CERKL: variants seen among roughly 807,000 people sequenced by gnomAD.
CERKL encodes the protein CERK like autophagy regulator.
In CERKL, 61 loss-of-function variants were observed where a neutral mutation model predicts 63.4. The observed-to-expected ratio is 0.96, with a 90% CI of 0.78 to 1.19. CERKL has a LOEUF of 1.19. Among genes scored for constraint, CERKL ranks in the 50% most tolerant of loss-of-function variants. The pLI, the probability that CERKL is intolerant of heterozygous loss-of-function variation, is 0.00. For synonymous variants in CERKL, 250 were observed against 230.5 expected (o/e 1.08, Z -0.77); for missense variants, 675 against 655.5 (o/e 1.03, Z -0.33).
intron 4 of CERKL, among the ~76,000 whole-genome samples, chr2:181,559,932 T>G (rs1688366847): frequency 6.6e-6 from 1 of 152,146 alleles, no homozygotes; most frequent in Non-Finnish European, 1.5e-5. Flanking sequence ...ATGACCCAGG[T>G]CATGTTTGAT....
At chr2:181,598,253 G>T (rs1381995374) in intron 2 of CERKL, among the ~76,000 whole-genome samples, 1 of 152,152 alleles carries the variant, frequency 6.6e-6, no homozygotes, top group Admixed American at 6.5e-5. Flanking sequence ...GGAGTTGTCT[G>T]CCCTAGACTG....
At chr2:181,638,647 T>G (rs1262033225) in intron 1 of CERKL, among the ~76,000 whole-genome samples, 1 of 152,168 alleles carries the variant, frequency 6.6e-6, no homozygotes, top group African/African-American at 2.4e-5. Context: ...GTGTAGTCAT[T>G]ATAATGGCCA....
rs1322585049 is a variant in CERKL at position 181,566,134 on chromosome 2, C to T, written c.614-13G>A. On this transcript the variant is annotated splice_polypyrimidine_tract_variant and intron_variant, in intron 3 of 12. Transcript: ENST00000410087. ...TCATATTCCATTACTATTAAAAAAA[C>T]ACACACACATACACAAAGTGACAGT... is the stretch of plus-strand genomic sequence containing the variant. 6.3e-7 allele frequency: 1 copy of T among 1,594,908 alleles called. No individual in the cohort carries two copies. Among genetic ancestry groups the T allele is most frequent in the East Asian group, 2.2e-5 (1 of 44,492 alleles).
intron 1 of CERKL, among the ~76,000 whole-genome samples, chr2:181,646,096 G>A (rs3910661): frequency 0.44 from 66,711 of 151,988 alleles, 16,266 homozygotes; most frequent in South Asian, 0.78. Flanking sequence ...GAGAGACTTT[G>A]AAGGCCTGAG....
chr2:181,547,028 T>C (rs977021628), intron 10 of CERKL, among the ~76,000 whole-genome samples: 4 of 152,140 alleles, frequency 2.6e-5, no homozygotes, highest in African/African-American at 9.7e-5. Context: ...TGAGATCTAA[T>C]GGTTTTAAAA....
At chr2:181,621,514 T>C (rs963696943) in intron 1 of CERKL, among the ~76,000 whole-genome samples, 16 of 152,292 alleles carry the variant, frequency 1.1e-4, no homozygotes, top group East Asian at 7.7e-4. Flanking sequence ...AAGCTAAATG[T>C]TTATACCTTG....
At chr2:181,614,552 T>C (rs1219168662) in intron 1 of CERKL, among the ~76,000 whole-genome samples, 1 of 152,214 alleles carries the variant, frequency 6.6e-6, no homozygotes, top group Non-Finnish European at 1.5e-5. Flanking sequence ...TACTTATAAA[T>C]TTTTGAGTGC....
chr2:181,573,703 C>T (rs529801228), intron 3 of CERKL, 50 bp downstream of exon 3: 104 of 1,551,764 alleles, frequency 6.7e-5, no homozygotes, highest in Non-Finnish European at 9.0e-5. Flanking sequence ...GATTATTTTG[C>T]TTTTGTATGT....
Position 181,584,676 on chromosome 2 carries a change from C to A in CERKL, c.482-10792G>T, listed in dbSNP as rs116572246. On this transcript the variant is annotated intron_variant, in intron 2 of 12. Coordinates refer to ENST00000410087, the MANE Select transcript of CERKL (RefSeq NM_201548.5). ...CTTTTGCCTGGATTAATCCATTTTT[C>A]ATTTAACCTGTCTCCTGCTTGCCTG... 1.8e-3 allele frequency among the ~76,000 whole-genome samples: 267 copies of A among 151,866 alleles called. 1 individual carries two copies. The South Asian group carries it at 0.022, about 13-fold the overall frequency.
chr2:181,627,303 C>G (rs553645878), intron 1 of CERKL, among the ~76,000 whole-genome samples: 2 of 152,118 alleles, frequency 1.3e-5, no homozygotes, highest in Admixed American at 1.3e-4. Context: ...CTAGGAAACC[C>G]TCATTAGTAA....
chr2:181,566,003 G>T, intron 4 of CERKL, 55 bp downstream of exon 4: 1 of 1,178,858 alleles, frequency 8.5e-7, no homozygotes, highest in Non-Finnish European at 1.3e-6. Flanking sequence ...TAAAACTAGT[G>T]AAGGCATTTA....
chr2:181,642,924 T>C (rs1687507767), intron 1 of CERKL, among the ~76,000 whole-genome samples: 1 of 152,178 alleles, frequency 6.6e-6, no homozygotes, highest in African/African-American at 2.4e-5. Context: ...AAATGGTTTC[T>C]TCCTTTCCAA....
intron 2 of CERKL, among the ~76,000 whole-genome samples, chr2:181,577,208 A>G (rs1056397547): frequency 2.6e-5 from 4 of 152,222 alleles, no homozygotes; most frequent in African/African-American, 7.2e-5. Context: ...CTAAAGAAAC[A>G]TAACATTTTA....
chr2:181,548,635 T>A (rs762985021), intron 7 of CERKL, 31 bp from the exon 8 acceptor site: 2 of 1,612,054 alleles, frequency 1.2e-6, no homozygotes, highest in East Asian at 2.2e-5. Context: ...TTATTAACAG[T>A]CATTGAACCT....
chr2:181,595,543 A>G (rs1390678970), intron 2 of CERKL, among the ~76,000 whole-genome samples: 1 of 152,206 alleles, frequency 6.6e-6, no homozygotes, highest in Non-Finnish European at 1.5e-5. Flanking sequence ...AGTATACTTA[A>G]TAGGTATTGT....
intron 3 of CERKL, among the ~76,000 whole-genome samples, chr2:181,569,645 A>G (rs1246919421): frequency 6.6e-6 from 1 of 152,180 alleles, no homozygotes; most frequent in Non-Finnish European, 1.5e-5. Flanking sequence ...TTTCCTTCAG[A>G]TAAATGTCTT....
intron 1 of CERKL, among the ~76,000 whole-genome samples, chr2:181,646,343 C>G (rs1047589974): frequency 6.6e-6 from 1 of 152,202 alleles, no homozygotes; most frequent in African/African-American, 2.4e-5. Context: ...CCCACATAAG[C>G]TACAAGCTAA....
At chr2:181,621,122 C>T (rs1443587267) in intron 1 of CERKL, among the ~76,000 whole-genome samples, 1 of 151,642 alleles carries the variant, frequency 6.6e-6, no homozygotes. Context: ...TCATTTTTGC[C>T]ATTGAAAAAA....
chr2:181,608,287 T>C (rs757113724), intron 1 of CERKL, among the ~76,000 whole-genome samples: 1 of 152,092 alleles, frequency 6.6e-6, no homozygotes, highest in Non-Finnish European at 1.5e-5. Context: ...TAGTCCCTTA[T>C]TATATAGGTT....
Sources: allele counts gnomAD v4.1 joint callset (sites outside exome capture counted in the v4.1 genomes callset), GRCh38; gene constraint gnomAD v4.1.1; transcripts MANE v1.5; gene names NCBI Gene and HGNC (gene_info 2026-07-23, HGNC 2026-07-21).